ZNF385D: variants seen among roughly 807,000 people sequenced by gnomAD.
The protein encoded by ZNF385D is zinc finger protein 385D.
Under a neutral mutation model 35.8 loss-of-function variants are expected in ZNF385D, and 15 were observed. The observed-to-expected ratio is 0.42, with a 90% CI of 0.28 to 0.64. The LOEUF is 0.64. Ranked by LOEUF, ZNF385D falls within the 30% of genes least tolerant of loss-of-function variation. The pLI is 0.23. For synonymous variants in ZNF385D, 212 were observed against 186.8 expected, an observed-to-expected ratio of 1.13 and a Z score of -1.10; for missense variants, 474 against 494.6, an observed-to-expected ratio of 0.96 and a Z score of 0.39.
chr3:22,001,951 G>A (rs1310522281), intron 3 of ZNF385D, among the ~76,000 whole-genome samples: 1 of 151,828 alleles, frequency 6.6e-6, no homozygotes, highest in Non-Finnish European at 1.5e-5. Context: ...AAAGCAGTAA[G>A]AGGGAAGTTT....
chr3:22,199,367 G>A (rs2695638), intron 2 of ZNF385D, among the ~76,000 whole-genome samples: 50,356 of 151,874 alleles, frequency 0.33, 8,472 homozygotes, highest in Middle Eastern at 0.47. Flanking sequence ...AATAGGCAGC[G>A]TCATTAACAA....
At chr3:21,887,808 C>T (rs74539401) in intron 3 of ZNF385D, among the ~76,000 whole-genome samples, 57 of 152,050 alleles carry the variant, frequency 3.7e-4, no homozygotes, top group African/African-American at 1.0e-3. Context: ...TTTCCTATAT[C>T]ACTAAGAATA....
intron 2 of ZNF385D, among the ~76,000 whole-genome samples, chr3:21,571,666 C>T (rs1315275707): frequency 6.6e-6 from 1 of 152,174 alleles, no homozygotes; most frequent in Non-Finnish European, 1.5e-5. Context: ...TGAGGGTCCA[C>T]AAGCCACCTG....
At chr3:21,536,418 T>G (rs2062036843) in intron 3 of ZNF385D, among the ~76,000 whole-genome samples, 1 of 152,128 alleles carries the variant, frequency 6.6e-6, no homozygotes, top group Non-Finnish European at 1.5e-5. Context: ...TTGTCTCCAT[T>G]TATTGTCATG....
chr3:22,197,930 T>C (rs1044770837), intron 2 of ZNF385D, among the ~76,000 whole-genome samples: 15 of 152,246 alleles, frequency 9.9e-5, no homozygotes, highest in Middle Eastern at 6.8e-3. Flanking sequence ...GTAGCTTTCA[T>C]AGCTGTGTGG....
chr3:21,908,273 G>A (rs1045910428), intron 3 of ZNF385D, among the ~76,000 whole-genome samples: 3 of 151,654 alleles, frequency 2.0e-5, no homozygotes, highest in East Asian at 1.9e-4. Context: ...AAAGACGTAA[G>A]GAAAAGAAAA....
intron 4 of ZNF385D, among the ~76,000 whole-genome samples, chr3:21,443,993 A>T (rs762355087): frequency 2.0e-5 from 3 of 152,154 alleles, no homozygotes; most frequent in Non-Finnish European, 4.4e-5. Flanking sequence ...CATGTATTAC[A>T]TGCAAATTAG....
chr3:22,136,386 T>TAA (rs34116818), intron 3 of ZNF385D, among the ~76,000 whole-genome samples: 4,296 of 146,544 alleles, frequency 0.029, 93 homozygotes, highest in African/African-American at 0.057. Flanking sequence ...AGACTTTGTC[T>TAA]AAAAAAAAAA....
chr3:22,333,475 TTC>T (rs758557598), intron 2 of ZNF385D, among the ~76,000 whole-genome samples: 1 of 152,176 alleles, frequency 6.6e-6, no homozygotes, highest in Non-Finnish European at 1.5e-5. Context: ...CTATCTTTTT[TTC>T]TCTCTGTTAT....
intron 3 of ZNF385D, among the ~76,000 whole-genome samples, chr3:21,899,041 A>T (rs577239984): frequency 1.3e-5 from 2 of 152,256 alleles, no homozygotes; most frequent in Admixed American, 1.3e-4. Flanking sequence ...TCCCTCAGAC[A>T]ATAGTTCCCA....
intron 3 of ZNF385D, among the ~76,000 whole-genome samples, chr3:22,026,926 C>T (rs765427407): frequency 9.2e-5 from 14 of 152,146 alleles, no homozygotes; most frequent in Non-Finnish European, 2.1e-4. Flanking sequence ...GTAAGATTAA[C>T]CAAACAGTGA....
intron 3 of ZNF385D, among the ~76,000 whole-genome samples, chr3:22,019,389 T>C (rs1490911327): frequency 6.6e-6 from 1 of 151,944 alleles, no homozygotes; most frequent in Non-Finnish European, 1.5e-5. Context: ...AGACCATCAG[T>C]TATGTCAAGG....
intron 1 of ZNF385D, among the ~76,000 whole-genome samples, chr3:21,702,792 C>T (rs760149443): frequency 6.6e-6 from 1 of 152,188 alleles, no homozygotes; most frequent in Non-Finnish European, 1.5e-5. Context: ...CAAAATGCCA[C>T]CAGTTTCTTT....
At chr3:22,151,274 A>T (rs1040104822) in intron 3 of ZNF385D, among the ~76,000 whole-genome samples, 8 of 152,176 alleles carry the variant, frequency 5.3e-5, no homozygotes, top group Non-Finnish European at 8.8e-5. Context: ...CTGGCAGCTA[A>T]ACAAGACTTA....
intron 1 of ZNF385D, among the ~76,000 whole-genome samples, chr3:21,704,730 A>C (rs1274133203): frequency 6.6e-6 from 1 of 152,104 alleles, no homozygotes; most frequent in Non-Finnish European, 1.5e-5. Context: ...AAGCTGCATT[A>C]AATCATGTTT....
intron 1 of ZNF385D, among the ~76,000 whole-genome samples, chr3:21,666,864 A>C (rs2125268730): frequency 6.6e-6 from 1 of 152,210 alleles, no homozygotes; most frequent in South Asian, 2.1e-4. Flanking sequence ...GATCACTTGA[A>C]GTCAGGAGTT....
At chr3:21,648,125 T>G (rs909914377) in intron 2 of ZNF385D, among the ~76,000 whole-genome samples, 2 of 152,104 alleles carry the variant, frequency 1.3e-5, no homozygotes, top group Non-Finnish European at 2.9e-5. Context: ...CGAATTGTAA[T>G]CCCAATAATC....
chr3:21,964,255 G>T (rs186213868), intron 3 of ZNF385D, among the ~76,000 whole-genome samples: 1 of 150,884 alleles, frequency 6.6e-6, no homozygotes, highest in East Asian at 2.0e-4. Context: ...TCCTTCATTC[G>T]CTAAAAACTG....
intron 3 of ZNF385D, among the ~76,000 whole-genome samples, chr3:21,765,217 T>TGA (rs562978427): frequency 0.082 from 12,295 of 149,488 alleles, 586 homozygotes; most frequent in South Asian, 0.15. Flanking sequence ...TGTGTGTGTG[T>TGA]GAGAGAGAGA....
Sources: gnomAD v4.1 joint callset for allele counts (sites outside exome capture counted in the v4.1 genomes callset) on GRCh38, gnomAD v4.1.1 for gene constraint, MANE v1.5 for transcripts, NCBI Gene and HGNC (gene_info 2026-07-23, HGNC 2026-07-21) for gene names.